The following DRICH1 variants were observed in gnomAD, a reference collection of about 807,000 sequenced individuals.
DRICH1 encodes the protein aspartate rich 1, also known as aspartate-rich protein 1.
A neutral mutation model predicts 39.5 loss-of-function variants in DRICH1; 38 were observed. That is an observed-to-expected ratio of 0.96 (90% CI 0.74 to 1.26). The LOEUF (loss-of-function observed/expected upper bound fraction) is 1.26. Ranked by LOEUF, DRICH1 falls within the 50% of genes most tolerant of loss-of-function variation. The pLI, the probability that DRICH1 is intolerant of heterozygous loss-of-function variation, is 0.00. For missense variants in DRICH1, 279 were observed against 270.4 expected (o/e 1.03, Z -0.22); for synonymous variants, 84 against 99.5 (o/e 0.84, Z 0.93).
At chr22:23,590,862 G>A in the DRICH1 span, among the ~76,000 whole-genome samples, 11 of 152,106 alleles carry the variant, frequency 7.2e-5, no homozygotes, top group African/African-American at 9.7e-5. Flanking sequence ...AAAGGGATCC[G>A]CTCACCCTGC....
the DRICH1 span, among the ~76,000 whole-genome samples, chr22:23,597,592 A>G: frequency 6.6e-6 from 1 of 152,042 alleles, no homozygotes. Context: ...GCCAGGCACT[A>G]AGCTGGGGAT....
chr22:23,616,280 G>T (rs945485775), intron 8 of DRICH1, among the ~76,000 whole-genome samples: 3 of 152,158 alleles, frequency 2.0e-5, no homozygotes, highest in Non-Finnish European at 4.4e-5. Flanking sequence ...AGGCAGAAAA[G>T]AGCAGGTGTT....
intron 11 of DRICH1, 128 bp from the exon 12 acceptor site, chr22:23,608,896 G>T: frequency 9.9e-7 from 1 of 1,008,156 alleles, no homozygotes; most frequent in Non-Finnish European, 1.5e-6. Context: ...AGGCTGAGGA[G>T]AAATTACAGA....
At chr22:23,606,422 C>T (rs1926734573), downstream of DRICH1, among the ~76,000 whole-genome samples, 1 of 152,160 alleles carries the variant, frequency 6.6e-6, no homozygotes, top group South Asian at 2.1e-4. Flanking sequence ...CCCATAGAGC[C>T]CCAGGTCCCT....
chr22:23,627,254 G>C (rs1409305718), intron 1 of DRICH1, among the ~76,000 whole-genome samples: 1 of 151,844 alleles, frequency 6.6e-6, no homozygotes, highest in Non-Finnish European at 1.5e-5. Flanking sequence ...TGCATTTTTA[G>C]TAGAGATGGG....
At chr22:23,609,655 T>A (rs1318539827) in intron 11 of DRICH1, among the ~76,000 whole-genome samples, 1 of 135,992 alleles carries the variant, frequency 7.4e-6, no homozygotes, top group Non-Finnish European at 1.5e-5. Context: ...GAACCCTGCC[T>A]TCTCCCAGCC....
At chr22:23,625,897 C>A (rs1928031868) in intron 2 of DRICH1, 84 bp downstream of exon 2, 2 of 1,082,802 alleles carry the variant, frequency 1.8e-6, no homozygotes, top group Non-Finnish European at 2.8e-6. Context: ...CCTCTGAGTC[C>A]ATTCTTTGGG....
chr22:23,630,606 T>TG (rs1483899262), intron 1 of DRICH1: 4 of 152,180 alleles, frequency 2.6e-5, no homozygotes, highest in African/African-American at 9.7e-5. Context: ...AACTGACACT[T>TG]GCACTTGTGC....
chr22:23,612,499 A>G (rs1269052718), intron 11 of DRICH1, among the ~76,000 whole-genome samples: 2 of 151,072 alleles, frequency 1.3e-5, no homozygotes, highest in Non-Finnish European at 2.9e-5. Context: ...AAAAGTCTAG[A>G]ACTTAAGTGA....
intron 1 of DRICH1, among the ~76,000 whole-genome samples, chr22:23,628,812 C>A (rs955483005): frequency 6.6e-6 from 1 of 152,094 alleles, no homozygotes; most frequent in African/African-American, 2.4e-5. Context: ...CTGCTCTGCC[C>A]CCCCACCAAT....
chr22:23,581,767 A>ATGCC, the DRICH1 span, among the ~76,000 whole-genome samples: 1 of 149,724 alleles, frequency 6.7e-6, no homozygotes, highest in Non-Finnish European at 1.5e-5. Flanking sequence ...CCACCACGAC[A>ATGCC]AGCTAATTTT....
the DRICH1 span, among the ~76,000 whole-genome samples, chr22:23,596,418 GTTTA>G: frequency 8.6e-6 from 1 of 116,346 alleles, no homozygotes; most frequent in African/African-American, 2.9e-5. Context: ...TGGCACCCCC[GTTTA>G]TTTTTATTTT....
intron 3 of DRICH1, 97 bp downstream of exon 3, chr22:23,624,786 C>T: frequency 2.2e-6 from 3 of 1,390,658 alleles, no homozygotes; most frequent in Non-Finnish European, 3.1e-6. Context: ...TCTCACCAGA[C>T]CCCCAATATT....
At chr22:23,625,034 CA>C in intron 2 of DRICH1, 130 bp from the exon 3 acceptor site, 1 of 1,048,512 alleles carries the variant, frequency 9.5e-7, no homozygotes, top group Non-Finnish European at 1.4e-6. Context: ...ATGTCAAAGA[CA>C]AAACACTTTA....
downstream of DRICH1, chr22:23,607,057 TC>T (rs1348039970): frequency 6.5e-6 from 1 of 152,736 alleles, no homozygotes; most frequent in Non-Finnish European, 1.5e-5. Context: ...CACGATGTCA[TC>T]AGCAAGGGTC....
chr22:23,605,529 G>A (rs568652297), downstream of DRICH1, among the ~76,000 whole-genome samples: 4 of 152,194 alleles, frequency 2.6e-5, no homozygotes, highest in South Asian at 8.3e-4. Context: ...GGGAGGAGGA[G>A]GAGGAGGGGG....
the DRICH1 span, among the ~76,000 whole-genome samples, chr22:23,595,221 C>G: frequency 6.9e-6 from 1 of 145,786 alleles, no homozygotes; most frequent in East Asian, 2.0e-4. Context: ...TCCAGCTTCC[C>G]TAGAGGCCGG....
At chr22:23,596,316 A>G in the DRICH1 span, among the ~76,000 whole-genome samples, 2 of 152,110 alleles carry the variant, frequency 1.3e-5, no homozygotes, top group African/African-American at 2.4e-5. Flanking sequence ...GCTGGAGTGC[A>G]GTGACACGAT....
chr22:23,594,501 C>T, the DRICH1 span, among the ~76,000 whole-genome samples: 1 of 152,192 alleles, frequency 6.6e-6, no homozygotes, highest in Non-Finnish European at 1.5e-5. Flanking sequence ...ACCTGGGAGA[C>T]AGAGATAGCA....
Sources: gnomAD v4.1 joint callset for allele counts (sites outside exome capture counted in the v4.1 genomes callset) on GRCh38, gnomAD v4.1.1 for gene constraint, MANE v1.5 for transcripts, NCBI Gene and HGNC (gene_info 2026-07-23, HGNC 2026-07-21) for gene names.